GPC6: variants seen among roughly 807,000 people sequenced by gnomAD.
The protein encoded by GPC6 is glypican 6, also known as glypican-6.
In GPC6, 14 loss-of-function variants were observed where a neutral mutation model predicts 55.2. The ratio of observed to expected loss-of-function variants is 0.25; its 90% CI spans 0.17 to 0.40. GPC6 has a LOEUF of 0.40. Ranked by LOEUF, GPC6 falls within the 10% of genes least tolerant of loss-of-function variation. The pLI is 1.00. For synonymous variants in GPC6, 278 were observed against 259.6 expected, an observed-to-expected ratio of 1.07 and a Z score of -0.68; for missense variants, 641 against 708.5, an observed-to-expected ratio of 0.90 and a Z score of 1.08.
At chr13:93,547,181 A>T (rs1405116806) in intron 2 of GPC6, among the ~76,000 whole-genome samples, 2 of 17,520 alleles carry the variant, frequency 1.1e-4, no homozygotes, top group South Asian at 6.3e-3. Flanking sequence ...ATACAAAAAA[A>T]AAAAAAAAAA....
chr13:93,685,635 A>T (rs1167728995), intron 2 of GPC6, among the ~76,000 whole-genome samples: 1 of 152,106 alleles, frequency 6.6e-6, no homozygotes, highest in Non-Finnish European at 1.5e-5. Flanking sequence ...TATGCCACTT[A>T]GCTTAATTGG....
At chr13:93,430,366 T>C (rs1877311360) in intron 1 of GPC6, among the ~76,000 whole-genome samples, 1 of 152,068 alleles carries the variant, frequency 6.6e-6, no homozygotes, top group Non-Finnish European at 1.5e-5. Context: ...AAAGTGCAAA[T>C]TGAGAGAATA....
At chr13:93,545,119 G>A (rs1874710566) in intron 1 of GPC6, 144 bp from the exon 2 acceptor site, 4 of 720,344 alleles carry the variant, frequency 5.6e-6, no homozygotes, top group African/African-American at 3.5e-5. Flanking sequence ...ATGTGCTGTG[G>A]CCCAGATAGA....
chr13:93,682,728 T>C (rs1296649378), intron 2 of GPC6, among the ~76,000 whole-genome samples: 1 of 151,586 alleles, frequency 6.6e-6, no homozygotes, highest in Non-Finnish European at 1.5e-5. Flanking sequence ...AATGAAATCG[T>C]CTAGGCTGAG....
intron 1 of GPC6, among the ~76,000 whole-genome samples, chr13:93,237,569 A>G (rs138920864): frequency 1.0e-3 from 153 of 152,294 alleles, no homozygotes; most frequent in African/African-American, 3.6e-3. Flanking sequence ...TTGCTAGATT[A>G]ATTAAGTCTA....
intron 1 of GPC6, among the ~76,000 whole-genome samples, chr13:93,517,087 A>T (rs113207892): frequency 6.1e-4 from 1 of 1,642 alleles, no homozygotes; most frequent in Non-Finnish European, 0.083. Flanking sequence ...TTCATAGACA[A>T]AGAGAGAATT....
chr13:93,272,840 T>C lies in GPC6; in HGVS notation c.160+45224T>C, dbSNP rs542878675. ...TATCCAACTTTATTTCCATGTTAGA[T>C]ACCAGCAGTTCAGAAACATTTGTAT... On this transcript the variant is annotated intron_variant, in intron 1 of 8. Coordinates refer to ENST00000377047, the MANE Select transcript of GPC6 (RefSeq NM_005708.5). Among the ~76,000 whole-genome samples, 124 of 152,296 alleles carry C rather than the reference T, an allele frequency of 8.1e-4. 4 individuals carry two copies. Among genetic ancestry groups the C allele is most frequent in the Middle Eastern group, 3.4e-3 (1 of 294 alleles).
chr13:93,867,221 A>T (rs934898162), intron 3 of GPC6, among the ~76,000 whole-genome samples: 1 of 151,764 alleles, frequency 6.6e-6, no homozygotes, highest in Non-Finnish European at 1.5e-5. Flanking sequence ...GTTATGTGTT[A>T]CAGTTTGTTC....
intron 4 of GPC6, among the ~76,000 whole-genome samples, chr13:94,031,434 C>T (rs988853063): frequency 2.0e-5 from 3 of 152,130 alleles, no homozygotes; most frequent in Admixed American, 6.5e-5. Flanking sequence ...ACCCAGATTC[C>T]ACTTGCTGCA....
chr13:93,788,468 G>T (rs1566535908), intron 2 of GPC6, among the ~76,000 whole-genome samples: 1 of 150,868 alleles, frequency 6.6e-6, no homozygotes. Flanking sequence ...AGTGGCATTT[G>T]GAAAGAAAAG....
chr13:94,374,097 C>T (rs989903982), intron 6 of GPC6, among the ~76,000 whole-genome samples: 1 of 152,048 alleles, frequency 6.6e-6, no homozygotes, highest in East Asian at 1.9e-4. Flanking sequence ...CCGATACCAG[C>T]CACTGCAAAA....
chr13:93,523,165 A>G (rs1881494007), intron 1 of GPC6, among the ~76,000 whole-genome samples: 2 of 150,338 alleles, frequency 1.3e-5, no homozygotes, highest in South Asian at 4.2e-4. Flanking sequence ...ATATATGTAC[A>G]TATATACACA....
At chr13:93,909,242 T>C (rs1346478468) in intron 3 of GPC6, among the ~76,000 whole-genome samples, 1 of 152,162 alleles carries the variant, frequency 6.6e-6, no homozygotes, top group African/African-American at 2.4e-5. Context: ...GCTTGAATCA[T>C]ACAAAAACAC....
intron 3 of GPC6, among the ~76,000 whole-genome samples, chr13:93,982,815 A>G (rs987142988): frequency 1.3e-5 from 2 of 152,196 alleles, no homozygotes; most frequent in African/African-American, 4.8e-5. Context: ...GTACAAAGAC[A>G]GTCCTTTCTG....
chr13:94,297,008 A>G (rs936301235), intron 5 of GPC6, among the ~76,000 whole-genome samples: 1 of 152,116 alleles, frequency 6.6e-6, no homozygotes, highest in South Asian at 2.1e-4. Flanking sequence ...ATTATTATTA[A>G]CAATGTGTTT....
chr13:94,041,530 A>G (rs1883532944), intron 4 of GPC6, among the ~76,000 whole-genome samples: 1 of 151,858 alleles, frequency 6.6e-6, no homozygotes, highest in Non-Finnish European at 1.5e-5. Context: ...AGAAATAAGA[A>G]TGAGCTTTAA....
chr13:93,794,856 C>A (rs991398529), intron 2 of GPC6, among the ~76,000 whole-genome samples: 6 of 152,168 alleles, frequency 3.9e-5, no homozygotes, highest in African/African-American at 1.4e-4. Context: ...ATTTTAAGTT[C>A]TTTAAAAATT....
At chr13:93,253,280 T>C (rs1380243972) in intron 1 of GPC6, among the ~76,000 whole-genome samples, 1 of 152,206 alleles carries the variant, frequency 6.6e-6, no homozygotes, top group East Asian at 1.9e-4. Flanking sequence ...GTACTGCCTT[T>C]TGAATGATCT....
At chr13:93,231,296 T>G (rs1314199615) in intron 1 of GPC6, among the ~76,000 whole-genome samples, 1 of 145,574 alleles carries the variant, frequency 6.9e-6, no homozygotes, top group Admixed American at 6.9e-5. Flanking sequence ...GCATGCAAAA[T>G]CTATTCTTTC....
Sources: allele counts gnomAD v4.1 joint callset (sites outside exome capture counted in the v4.1 genomes callset), GRCh38; gene constraint gnomAD v4.1.1; transcripts MANE v1.5; gene names NCBI Gene and HGNC (gene_info 2026-07-23, HGNC 2026-07-21).